Variants in GNA14 observed in about 807,000 individuals in gnomAD.
GNA14 encodes the protein G protein subunit alpha 14, also known as guanine nucleotide-binding protein subunit alpha-14.
Under a neutral mutation model 42.0 loss-of-function variants are expected in GNA14, and 50 were observed. The ratio of observed to expected loss-of-function variants is 1.19; its 90% CI spans 0.95 to 1.51. The LOEUF (loss-of-function observed/expected upper bound fraction) is 1.51, where lower values mean the gene tolerates loss of function less well. GNA14 is among the 40% of genes most tolerant of loss of function. GNA14 has a pLI of 0.00. For synonymous variants in GNA14, 173 were observed against 163.1 expected, an observed-to-expected ratio of 1.06 and a Z score of -0.46; for missense variants, 473 against 446.2, an observed-to-expected ratio of 1.06 and a Z score of -0.54.
intron 1 of GNA14, among the ~76,000 whole-genome samples, chr9:77,575,693 AC>A (rs553984595): frequency 1.2e-3 from 176 of 152,314 alleles, no homozygotes; most frequent in Non-Finnish European, 2.2e-3. Context: ...TCTATTTTAG[AC>A]GTAAATCCAT....
At chr9:77,456,016 G>A (rs568875262) in intron 2 of GNA14, among the ~76,000 whole-genome samples, 13 of 152,200 alleles carry the variant, frequency 8.5e-5, no homozygotes, top group African/African-American at 3.1e-4. Flanking sequence ...AGGAAATAGG[G>A]TATACATAAA....
chr9:77,534,166 C>A (rs1380712132), intron 1 of GNA14, among the ~76,000 whole-genome samples: 1 of 152,240 alleles, frequency 6.6e-6, no homozygotes, highest in Non-Finnish European at 1.5e-5. Context: ...AACATCCTGT[C>A]TATCACCAGT....
At chr9:77,569,955 C>T (rs1055912971) in intron 1 of GNA14, among the ~76,000 whole-genome samples, 20 of 151,552 alleles carry the variant, frequency 1.3e-4, no homozygotes, top group South Asian at 6.2e-4. Context: ...TTAGTAGAGA[C>T]GGGGTTTCAC....
intron 1 of GNA14, among the ~76,000 whole-genome samples, chr9:77,632,984 G>T (rs1261765844): frequency 1.3e-5 from 2 of 152,132 alleles, no homozygotes; most frequent in Non-Finnish European, 2.9e-5. Context: ...TTTCCAGACA[G>T]AAAAATACCC....
chr9:77,580,687 C>A, intron 1 of GNA14: 1 of 259,076 alleles, frequency 3.9e-6, no homozygotes, highest in South Asian at 6.8e-5. Flanking sequence ...CAATACTATT[C>A]GTACTCCTCC....
chr9:77,440,994 G>C (rs998192805), intron 2 of GNA14, among the ~76,000 whole-genome samples: 6 of 152,152 alleles, frequency 3.9e-5, no homozygotes, highest in Non-Finnish European at 7.3e-5. Flanking sequence ...GGGACTACAG[G>C]CGTGAGCCAC....
At chr9:77,444,928 C>G (rs919637363) in intron 2 of GNA14, among the ~76,000 whole-genome samples, 30 of 152,338 alleles carry the variant, frequency 2.0e-4, no homozygotes, top group African/African-American at 7.2e-4. Context: ...TGCTCCATGC[C>G]AGATCCAGGG....
intron 1 of GNA14, among the ~76,000 whole-genome samples, chr9:77,567,462 T>C (rs1204382550): frequency 6.6e-6 from 1 of 152,228 alleles, no homozygotes; most frequent in African/African-American, 2.4e-5. Context: ...CAGTATGCAG[T>C]ATAGCAGGCA....
intron 2 of GNA14, among the ~76,000 whole-genome samples, chr9:77,452,574 GTGCA>G (rs1356655591): frequency 2.8e-5 from 4 of 142,224 alleles, no homozygotes; most frequent in Non-Finnish European, 6.1e-5. Flanking sequence ...GTGTGTGTAT[GTGCA>G]TGTGTATGTG....
intron 6 of GNA14, 98 bp downstream of exon 6, chr9:77,425,464 A>G (rs1835438278): frequency 2.5e-6 from 2 of 810,992 alleles, no homozygotes; most frequent in Admixed American, 2.5e-5. Flanking sequence ...TTGCAGGCAG[A>G]CCAGGGAGGC....
chr9:77,577,613 A>G (rs77781280), intron 1 of GNA14, among the ~76,000 whole-genome samples: 40 of 152,318 alleles, frequency 2.6e-4, no homozygotes, highest in African/African-American at 9.4e-4. Flanking sequence ...CCATCAACAC[A>G]TGGAGAATCA....
At chr9:77,485,164 C>G (rs1836634886) in intron 2 of GNA14, among the ~76,000 whole-genome samples, 1 of 152,166 alleles carries the variant, frequency 6.6e-6, no homozygotes, top group African/African-American at 2.4e-5. Flanking sequence ...CTCTCAAATC[C>G]TGCCACTATT....
In GNA14 at chr9:77,517,249, G is replaced by A. The variant is rs139332604; in HGVS notation, c.309+11820C>T. Among the ~76,000 whole-genome samples the A allele has an allele frequency of 8.6e-3, 1,304 of 152,312 alleles. 19 individuals carry two copies. Among genetic ancestry groups the A allele is most frequent in the African/African-American group, 0.03 (1,246 of 41,560 alleles). ...TCTTATGGTGTGGAGATGTGTAGGA[G>A]TGCAGGAGATGCGGATGCCCACGTT... On this transcript the variant is annotated intron_variant, in intron 2 of 6. Transcript: ENST00000341700.
At chr9:77,507,492 A>C (rs535782869) in intron 2 of GNA14, among the ~76,000 whole-genome samples, 2 of 152,152 alleles carry the variant, frequency 1.3e-5, no homozygotes, top group Non-Finnish European at 2.9e-5. Flanking sequence ...AGAAAATGTC[A>C]CCGTCAAAGC....
At chr9:77,647,531 C>T (rs1026659553) in intron 1 of GNA14, 139 bp downstream of exon 1, 2 of 958,216 alleles carry the variant, frequency 2.1e-6, no homozygotes, top group Non-Finnish European at 3.0e-6. Flanking sequence ...TGCTGGCATC[C>T]GTGAGCTCCG....
chr9:77,587,434 T>C (rs554129367), intron 1 of GNA14, among the ~76,000 whole-genome samples: 2 of 152,332 alleles, frequency 1.3e-5, no homozygotes, highest in South Asian at 2.1e-4. Context: ...CTAAAGTTAT[T>C]GTGGTATTTA....
In GNA14 at chr9:77,424,925, A is replaced by C. The variant is rs73454008; in HGVS notation, c.877+637T>G. Among the ~76,000 whole-genome samples the C allele has an allele frequency of 3.4e-3, 517 of 152,292 alleles. 3 individuals carry two copies. Among genetic ancestry groups the C allele is most frequent in the African/African-American group, 0.012 (492 of 41,560 alleles). ...CTAAAACATGAATCCACTAAATATC[A>C]GTGTCAAACTTAAGGTTTGAGACCT... On this transcript the variant is annotated intron_variant, in intron 6 of 6. Coordinates refer to ENST00000341700, the MANE Select transcript of GNA14 (RefSeq NM_004297.4).
chr9:77,529,396 A>T (rs1837494424), intron 1 of GNA14, 143 bp from the exon 2 acceptor site: 2 of 710,076 alleles, frequency 2.8e-6, no homozygotes, highest in African/African-American at 1.8e-5. Context: ...CCAAATGGTT[A>T]TGCAGTTTTC....
intron 1 of GNA14, among the ~76,000 whole-genome samples, chr9:77,532,495 G>T (rs1016534400): frequency 1.3e-5 from 2 of 152,148 alleles, no homozygotes; most frequent in South Asian, 4.1e-4. Context: ...GGACCACAGG[G>T]ACCAGTTTAA....
Sources: allele counts gnomAD v4.1 joint callset (sites outside exome capture counted in the v4.1 genomes callset), GRCh38; gene constraint gnomAD v4.1.1; transcripts MANE v1.5; gene names NCBI Gene and HGNC (gene_info 2026-07-23, HGNC 2026-07-21).